RASAL2: variants seen among roughly 807,000 people sequenced by gnomAD.
RASAL2 encodes ras GTPase-activating protein nGAP.
A neutral mutation model predicts 128.9 loss-of-function variants in RASAL2; 58 were observed. That is an observed-to-expected ratio of 0.45 (90% CI 0.36 to 0.56). RASAL2 has a LOEUF of 0.56. Ranked by LOEUF, RASAL2 falls within the 20% of genes least tolerant of loss-of-function variation. The pLI is 0.00. For missense variants in RASAL2, 1,360 were observed against 1,601.6 expected (o/e 0.85, Z 2.57); for synonymous variants, 561 against 580.8 (o/e 0.97, Z 0.49).
At chr1:178,331,583 C>CTT (rs71731643) in intron 3 of RASAL2, among the ~76,000 whole-genome samples, 9,567 of 110,104 alleles carry the variant, frequency 0.087, 692 homozygotes, top group Non-Finnish European at 0.099. Context: ...CTTCATGCAT[C>CTT]TTTTTTTTTT....
chr1:178,415,579 C>A (rs1674699342), intron 4 of RASAL2, among the ~76,000 whole-genome samples: 1 of 152,042 alleles, frequency 6.6e-6, no homozygotes, highest in Non-Finnish European at 1.5e-5. Flanking sequence ...TCAATTATAT[C>A]CAGTTGATTA....
At chr1:178,235,575 G>A (rs1001532470) in intron 1 of RASAL2, among the ~76,000 whole-genome samples, 1 of 151,906 alleles carries the variant, frequency 6.6e-6, no homozygotes, top group Non-Finnish European at 1.5e-5. Context: ...CAGTTACTCC[G>A]CTATCTCCTA....
chr1:178,194,708 A>G (rs1662604041), intron 1 of RASAL2: 1 of 178,882 alleles, frequency 5.6e-6, no homozygotes, highest in Non-Finnish European at 1.2e-5. Context: ...GGTTTGGGCC[A>G]TCTTTTACCC....
chr1:178,438,893 G>C (rs1022431818), intron 5 of RASAL2, among the ~76,000 whole-genome samples: 7 of 147,512 alleles, frequency 4.7e-5, no homozygotes, highest in African/African-American at 1.8e-4. Flanking sequence ...GTGTGTGTGT[G>C]TGTGTGTGTG....
At chr1:178,265,964 T>C (rs137963976) in intron 1 of RASAL2, among the ~76,000 whole-genome samples, 122 of 152,368 alleles carry the variant, frequency 8.0e-4, no homozygotes, top group African/African-American at 2.4e-3. Flanking sequence ...TGGTATATAG[T>C]ATTTCATTTT....
intron 4 of RASAL2, among the ~76,000 whole-genome samples, chr1:178,420,282 T>C (rs1675058472): frequency 6.6e-6 from 1 of 152,216 alleles, no homozygotes; most frequent in Non-Finnish European, 1.5e-5. Context: ...AATAATAAAT[T>C]AGGTGCTACT....
chr1:178,260,224 G>A (rs1006348837), intron 1 of RASAL2, among the ~76,000 whole-genome samples: 2 of 149,094 alleles, frequency 1.3e-5, no homozygotes, highest in South Asian at 2.2e-4. Flanking sequence ...GTGGTGGCTG[G>A]CGCCTGTAAT....
intron 1 of RASAL2, among the ~76,000 whole-genome samples, chr1:178,132,121 G>A (rs1202988889): frequency 1.3e-5 from 2 of 151,716 alleles, no homozygotes; most frequent in Admixed American, 6.6e-5. Context: ...CTGGAGTGTA[G>A]CCTCAAACTC....
At chr1:178,211,033 G>A (rs999266458) in intron 1 of RASAL2, among the ~76,000 whole-genome samples, 1 of 152,080 alleles carries the variant, frequency 6.6e-6, no homozygotes, top group Admixed American at 6.6e-5. Flanking sequence ...GGTCACCTGG[G>A]GTTTGAACCC....
intron 5 of RASAL2, among the ~76,000 whole-genome samples, chr1:178,430,907 T>TACACACACACACACACAC (rs71297897): frequency 8.2e-5 from 11 of 133,976 alleles, no homozygotes; most frequent in Admixed American, 3.8e-4. Context: ...GGCAAAAAAG[T>TACACACACACACACACAC]ACACACACAC....
At chr1:178,370,563 G>A (rs1010690092) in intron 3 of RASAL2, among the ~76,000 whole-genome samples, 3 of 152,012 alleles carry the variant, frequency 2.0e-5, no homozygotes, top group Admixed American at 6.6e-5. Context: ...TTTCTCAATC[G>A]TGTGGTACTG....
intron 1 of RASAL2, among the ~76,000 whole-genome samples, chr1:178,238,293 T>C (rs1172895288): frequency 6.6e-6 from 1 of 152,222 alleles, no homozygotes; most frequent in Non-Finnish European, 1.5e-5. Flanking sequence ...GGATATACTA[T>C]ATTTCATTTA....
At chr1:178,407,087 T>A (rs1674048778) in intron 4 of RASAL2, among the ~76,000 whole-genome samples, 1 of 152,156 alleles carries the variant, frequency 6.6e-6, no homozygotes. Context: ...TGACAGAACC[T>A]TTTCTCTTTC....
At chr1:178,318,438 G>A (rs1423148646) in intron 3 of RASAL2, among the ~76,000 whole-genome samples, 2 of 152,030 alleles carry the variant, frequency 1.3e-5, no homozygotes, top group Admixed American at 1.3e-4. Flanking sequence ...AAATCTCTTT[G>A]TAAGTCACTC....
chr1:178,446,794 G>T (rs778554181), intron 9 of RASAL2, among the ~76,000 whole-genome samples: 4 of 152,264 alleles, frequency 2.6e-5, no homozygotes, highest in Admixed American at 2.6e-4. Context: ...GAATCCAGCT[G>T]ATAGAATTGT....
At chr1:178,336,909 G>C (rs1395109758) in intron 3 of RASAL2, among the ~76,000 whole-genome samples, 1 of 152,030 alleles carries the variant, frequency 6.6e-6, no homozygotes, top group Non-Finnish European at 1.5e-5. Context: ...TGAAATAAAA[G>C]TAGGAAAGAT....
chr1:178,473,257 A>G lies in RASAL2; in HGVS notation c.*18A>G. The G allele has an allele frequency of 6.2e-7, 1 of 1,613,882 alleles. No individual in the cohort carries two copies. ...GCTGCTGACGGGCTTTGTCTGTGGA[A>G]GGAGACAGAAGGAAATTGACCCACT... On this transcript the variant is annotated 3_prime_UTR_variant, in exon 18 of 18. Coordinates refer to ENST00000367649, the MANE Select transcript of RASAL2 (RefSeq NM_170692.4).
chr1:178,227,466 C>T (rs1028110549), intron 1 of RASAL2, among the ~76,000 whole-genome samples: 3 of 152,180 alleles, frequency 2.0e-5, no homozygotes, highest in East Asian at 1.9e-4. Flanking sequence ...ACACTTTATA[C>T]TTTGTAAAAA....
intron 4 of RASAL2, among the ~76,000 whole-genome samples, chr1:178,416,980 G>GTT (rs57449533): frequency 0.018 from 2,615 of 143,046 alleles, 74 homozygotes; most frequent in African/African-American, 0.061. Context: ...TTCTTTTAGG[G>GTT]TTTTTTTTTT....
Sources: gnomAD v4.1 joint callset for allele counts (sites outside exome capture counted in the v4.1 genomes callset) on GRCh38, gnomAD v4.1.1 for gene constraint, MANE v1.5 for transcripts, NCBI Gene and HGNC (gene_info 2026-07-23, HGNC 2026-07-21) for gene names.